Variants in TMEM178A observed in about 807,000 individuals in gnomAD.
TMEM178A encodes the protein transmembrane protein 178.
A neutral mutation model predicts 29.1 loss-of-function variants in TMEM178A; 12 were observed. The ratio of observed to expected loss-of-function variants is 0.41; its 90% CI spans 0.26 to 0.67. TMEM178A has a LOEUF of 0.67. TMEM178A is among the 30% of genes least tolerant of loss of function. The pLI is 0.29. For missense variants in TMEM178A, 366 were observed against 419.1 expected, an observed-to-expected ratio of 0.87 and a Z score of 1.11; for synonymous variants, 210 against 187.2, an observed-to-expected ratio of 1.12 and a Z score of -0.99.
intron 3 of TMEM178A, among the ~76,000 whole-genome samples, chr2:39,714,006 A>C (rs1212690892): frequency 6.6e-6 from 1 of 152,232 alleles, no homozygotes; most frequent in Non-Finnish European, 1.5e-5. Context: ...CCTTGTAATC[A>C]TCACACATTC....
chr2:39,701,377 G>A (rs115150444), intron 1 of TMEM178A, among the ~76,000 whole-genome samples: 10 of 151,964 alleles, frequency 6.6e-5, no homozygotes, highest in Non-Finnish European at 1.0e-4. Flanking sequence ...ATCCTATTCC[G>A]TTCTGGCCTC....
At chr2:39,722,695 G>T (rs1672727490), downstream of TMEM178A, among the ~76,000 whole-genome samples, 1 of 152,156 alleles carries the variant, frequency 6.6e-6, no homozygotes. Flanking sequence ...TAGACTATTG[G>T]TCTGCTTCAG....
At chr2:39,720,070 T>A (rs1474392662), downstream of TMEM178A, among the ~76,000 whole-genome samples, 3 of 152,230 alleles carry the variant, frequency 2.0e-5, no homozygotes, top group Non-Finnish European at 4.4e-5. Flanking sequence ...GGCCCTAAAT[T>A]GTTTTGTAAG....
chr2:39,729,732 G>C, the TMEM178A span, among the ~76,000 whole-genome samples: 2 of 152,300 alleles, frequency 1.3e-5, no homozygotes, highest in Middle Eastern at 3.4e-3. Flanking sequence ...TGCGATGGAA[G>C]TCTTAAATTG....
At chr2:39,678,266 A>G (rs567210760) in intron 1 of TMEM178A, among the ~76,000 whole-genome samples, 4 of 152,350 alleles carry the variant, frequency 2.6e-5, no homozygotes, top group Admixed American at 1.3e-4. Context: ...TACTCAGACA[A>G]AAACACTGTA....
downstream of TMEM178A, among the ~76,000 whole-genome samples, chr2:39,721,310 G>C (rs1279374888): frequency 2.6e-5 from 4 of 152,238 alleles, no homozygotes; most frequent in Non-Finnish European, 4.4e-5. Context: ...ATCAAAGCAA[G>C]ATTTCTAATT....
Position 39,717,075 on chromosome 2 carries a change from C to T in TMEM178A, c.718C>T (p.Pro240Ser), listed in dbSNP as rs759110252. 3 of 1,610,824 alleles carry T rather than the reference C, an allele frequency of 1.9e-6. No individual in the cohort carries two copies. Among genetic ancestry groups the T allele is most frequent in the Non-Finnish European group, 2.5e-6 (3 of 1,179,476 alleles). ...ASISYDLNRL[P>S]KLIYSLPADV... ...TATCTCGTATGATTTGAACCGGCTC[C>T]CAAAGCTAATTTATAGCCTGCCTGC... Residue 240 changes from proline to serine, a missense_variant, in exon 4 of 4, where the codon CCA (proline) becomes TCA (serine). Coordinates refer to ENST00000281961, the MANE Select transcript of TMEM178A (RefSeq NM_152390.3).
chr2:39,701,821 C>A (rs1671794672), intron 1 of TMEM178A, among the ~76,000 whole-genome samples: 1 of 152,018 alleles, frequency 6.6e-6, no homozygotes, highest in Admixed American at 6.6e-5. Flanking sequence ...TTCTTTTAAG[C>A]CTCTTTGGTG....
chr2:39,679,334 T>G (rs1341909202), intron 1 of TMEM178A, among the ~76,000 whole-genome samples: 1 of 152,184 alleles, frequency 6.6e-6, no homozygotes, highest in Non-Finnish European at 1.5e-5. Flanking sequence ...GTGAGAGTTA[T>G]TCTCAGTTTT....
intron 1 of TMEM178A, chr2:39,698,103 T>TG (rs1015415021): frequency 6.6e-6 from 1 of 152,246 alleles, no homozygotes; most frequent in African/African-American, 2.4e-5. Flanking sequence ...AGATTGTTTT[T>TG]TATTTCAAAT....
Position 39,695,857 on chromosome 2 carries a change from G to A in TMEM178A, c.401-8224G>A, listed in dbSNP as rs551560046. Among the ~76,000 whole-genome samples, 5 of 152,224 alleles carry A rather than the reference G, an allele frequency of 3.3e-5. No individual in the cohort carries two copies. In the South Asian group the frequency reaches 8.3e-4, roughly 25 times the overall value. On this transcript the variant is annotated intron_variant, in intron 1 of 3. Transcript: ENST00000281961. Reference sequence around the variant, plus strand: ...GTGTGGAAGTTGACACAATGGCAAAGCATTAAAACATTTAAATAAACAATT... The same window carrying A: ...GTGTGGAAGTTGACACAATGGCAAAACATTAAAACATTTAAATAAACAATT...
intron 1 of TMEM178A, among the ~76,000 whole-genome samples, chr2:39,668,824 A>G (rs527864958): frequency 3.0e-4 from 46 of 152,336 alleles, no homozygotes; most frequent in African/African-American, 1.1e-3. Flanking sequence ...TGACAAGAGC[A>G]GCTTTAAAAT....
At chr2:39,692,052 G>A (rs1015029270) in intron 1 of TMEM178A, among the ~76,000 whole-genome samples, 3 of 152,106 alleles carry the variant, frequency 2.0e-5, no homozygotes, top group Admixed American at 2.0e-4. Context: ...AGTGAAATAA[G>A]CCAGTTGCAG....
intron 1 of TMEM178A, among the ~76,000 whole-genome samples, chr2:39,680,512 T>C (rs1670822841): frequency 6.6e-6 from 1 of 152,250 alleles, no homozygotes; most frequent in South Asian, 2.1e-4. Context: ...GAGCAACATT[T>C]ACCATTTGGT....
chr2:39,677,622 A>C (rs1238830716), intron 1 of TMEM178A, among the ~76,000 whole-genome samples: 1 of 152,126 alleles, frequency 6.6e-6, no homozygotes, highest in East Asian at 1.9e-4. Context: ...GGGAGGAAGC[A>C]GTTGTTCAGC....
intron 1 of TMEM178A, among the ~76,000 whole-genome samples, chr2:39,686,149 C>A (rs1377118813): frequency 1.3e-5 from 2 of 152,226 alleles, no homozygotes; most frequent in East Asian, 3.8e-4. Context: ...AGCAGGAAGT[C>A]ACCAGGTGCT....
intron 1 of TMEM178A, among the ~76,000 whole-genome samples, chr2:39,676,821 G>T (rs1248793595): frequency 6.6e-6 from 1 of 151,974 alleles, no homozygotes; most frequent in Non-Finnish European, 1.5e-5. Flanking sequence ...AGAGAACTCA[G>T]ATTTTCTTCC....
At chr2:39,673,443 C>T (rs1031523773) in intron 1 of TMEM178A, among the ~76,000 whole-genome samples, 6 of 152,216 alleles carry the variant, frequency 3.9e-5, no homozygotes, top group African/African-American at 1.4e-4. Flanking sequence ...GGATGTCCTC[C>T]AGTGTTCAGA....
chr2:39,733,778 GAAA>G, the TMEM178A span, among the ~76,000 whole-genome samples: 2 of 152,028 alleles, frequency 1.3e-5, no homozygotes, highest in Non-Finnish European at 1.5e-5. Flanking sequence ...ATTTGAGAAT[GAAA>G]AAATTTTTAG....
Sources: gnomAD v4.1 joint callset for allele counts (sites outside exome capture counted in the v4.1 genomes callset) on GRCh38, gnomAD v4.1.1 for gene constraint, MANE v1.5 for transcripts, NCBI Gene and HGNC (gene_info 2026-07-23, HGNC 2026-07-21) for gene names.